The following MYO18B variants were observed in gnomAD, a reference collection of about 807,000 sequenced individuals.
The protein encoded by MYO18B is myosin XVIIIB.
MYO18B carries 204 observed loss-of-function variants against 273.0 expected under a neutral mutation model. The ratio of observed to expected loss-of-function variants is 0.75; its 90% CI spans 0.67 to 0.84. The LOEUF is 0.84. Among genes scored for constraint, MYO18B ranks in the 40% least tolerant of loss-of-function variants. The pLI is 0.00. For missense variants in MYO18B, 3,212 were observed against 3,287.6 expected (o/e 0.98, Z 0.56); for synonymous variants, 1,330 against 1,305.7 (o/e 1.02, Z -0.40).
chr22:25,816,247 T>G (rs1465086996), intron 12 of MYO18B, among the ~76,000 whole-genome samples: 1 of 152,186 alleles, frequency 6.6e-6, no homozygotes, highest in South Asian at 2.1e-4. Flanking sequence ...CATTTGTCAT[T>G]TTTAAGGGAG....
At chr22:25,873,754 C>G (rs1028498226) in intron 22 of MYO18B, among the ~76,000 whole-genome samples, 6 of 152,204 alleles carry the variant, frequency 3.9e-5, no homozygotes, top group African/African-American at 1.4e-4. Flanking sequence ...TGAGTTGTTT[C>G]TAAGCCACTG....
rs1569224861 is a variant in MYO18B at position 25,948,432 on chromosome 22, TTCCTTCCTTCCTTCCTTCCTTCCTTCC to T, written c.5748+606_5748+632del. On this transcript the variant is annotated intron_variant, in intron 36 of 43. Coordinates refer to ENST00000335473, the MANE Select transcript of MYO18B (RefSeq NM_032608.7). ...TTTCCTTCCTTCCTTCCTTCCTTCC[TTCCTTCCTTCCTTCCTTCCTTCCTTCC>T]TTCTTTCTTTCTTTCTTTCTTTCTT... Among the ~76,000 whole-genome samples, 115 of 129,370 alleles carry T rather than the reference TTCCTTCCTTCCTTCCTTCCTTCCTTCC, an allele frequency of 8.9e-4. 1 individual carries two copies. The highest frequency in any genetic ancestry group is 3.9e-3 in the African/African-American group (113 of 28,814). 84.9% of individuals were successfully genotyped at this position (129,370 alleles called of 152,430 possible).
intron 3 of MYO18B, among the ~76,000 whole-genome samples, chr22:25,767,600 C>G (rs1444301765): frequency 1.3e-5 from 2 of 152,186 alleles, no homozygotes; most frequent in Non-Finnish European, 2.9e-5. Flanking sequence ...AAGGTGAGAA[C>G]AGGTCCTCTA....
intron 39 of MYO18B, among the ~76,000 whole-genome samples, chr22:25,963,178 T>TCTCTCTCTCA (rs774304270): frequency 2.1e-4 from 30 of 144,156 alleles, no homozygotes; most frequent in African/African-American, 5.5e-4. Flanking sequence ...TCTCTCTCTC[T>TCTCTCTCTCA]CACACACACA....
At chr22:25,876,092 T>A in intron 23 of MYO18B, 97 bp from the exon 24 acceptor site, 2 of 1,214,474 alleles carry the variant, frequency 1.6e-6, no homozygotes, top group East Asian at 2.9e-5. Flanking sequence ...ATAACCCCAC[T>A]TCCTCCAGCC....
intron 41 of MYO18B, among the ~76,000 whole-genome samples, chr22:26,004,046 G>A (rs989448503): frequency 1.3e-5 from 2 of 151,162 alleles, no homozygotes; most frequent in African/African-American, 2.4e-5. Flanking sequence ...GACAAGAACT[G>A]GTGCTTGGCA....
At chr22:25,748,335 C>T (rs891800578) in intron 1 of MYO18B, among the ~76,000 whole-genome samples, 3 of 152,106 alleles carry the variant, frequency 2.0e-5, no homozygotes, top group Admixed American at 6.5e-5. Context: ...TGTAGGACCT[C>T]GAGAAAGTCA....
At chr22:25,977,591 G>A (rs1040420705) in intron 39 of MYO18B, among the ~76,000 whole-genome samples, 1 of 152,138 alleles carries the variant, frequency 6.6e-6, no homozygotes, top group Non-Finnish European at 1.5e-5. Flanking sequence ...CATTACAATA[G>A]TTTGGCTAGT....
chr22:26,023,093 G>A (rs1601855401), intron 42 of MYO18B, among the ~76,000 whole-genome samples: 1 of 152,300 alleles, frequency 6.6e-6, no homozygotes, highest in Non-Finnish European at 1.5e-5. Context: ...TCCTTCTTGC[G>A]TTTGCCTAAG....
chr22:25,984,445 A>G (rs9613061), intron 39 of MYO18B, among the ~76,000 whole-genome samples: 74,993 of 151,982 alleles, frequency 0.49, 19,663 homozygotes, highest in Non-Finnish European at 0.6. Context: ...TAATATAAAT[A>G]TCTTCTTTGA....
At chr22:25,832,805 T>C (rs2145937044) in intron 15 of MYO18B, 112 bp from the exon 16 acceptor site, 2 of 891,652 alleles carry the variant, frequency 2.2e-6, no homozygotes, top group African/African-American at 1.7e-5. Flanking sequence ...AAACGATTTT[T>C]TTAAAGGGCC....
At chr22:25,813,163 CTCT>C (rs962420078) in intron 12 of MYO18B, among the ~76,000 whole-genome samples, 2 of 146,692 alleles carry the variant, frequency 1.4e-5, no homozygotes, top group African/African-American at 2.5e-5. Context: ...CCTTCTCCTC[CTCT>C]TCTTCCTCTT....
intron 28 of MYO18B, chr22:25,896,839 C>A (rs186198782): frequency 6.6e-6 from 1 of 152,216 alleles, no homozygotes; most frequent in African/African-American, 2.4e-5. Context: ...TTCAAACTAC[C>A]ATTGTGATGT....
At chr22:25,746,243 T>G (rs963978091) in intron 1 of MYO18B, among the ~76,000 whole-genome samples, 2 of 152,040 alleles carry the variant, frequency 1.3e-5, no homozygotes, top group African/African-American at 4.8e-5. Flanking sequence ...ATCAGAGAGG[T>G]TTAGTGACTT....
chr22:25,769,375 G>T lies in MYO18B; in HGVS notation c.1459G>T (p.Gly487Trp). Residue 487 changes from glycine to tryptophan, a missense_variant, in exon 4 of 44, where the codon GGG becomes TGG. Coordinates refer to ENST00000335473, the MANE Select transcript of MYO18B (RefSeq NM_032608.7). Reference sequence around the variant, plus strand: ...TCGGATACGGAAGGAGAACCAAGACGGGCCAGCCCCGCAGGAGGAGGGCAA... The same window carrying T: ...TCGGATACGGAAGGAGAACCAAGACTGGCCAGCCCCGCAGGAGGAGGGCAA... ...RPRIRKENQDGPAPQEEGKGG... is the reference protein window; with the variant it reads ...RPRIRKENQDWPAPQEEGKGG... 6.4e-7 allele frequency: 1 copy of T among 1,573,940 alleles called. No individual in the cohort carries two copies. The highest frequency in any genetic ancestry group is 8.6e-7 in the Non-Finnish European group (1 of 1,160,352).
intron 15 of MYO18B, among the ~76,000 whole-genome samples, chr22:25,829,490 C>T (rs778016144): frequency 1.6e-4 from 23 of 146,986 alleles, no homozygotes; most frequent in Non-Finnish European, 2.8e-4. Context: ...GAAGCATGTA[C>T]AGGCATGATC....
intron 34 of MYO18B, among the ~76,000 whole-genome samples, chr22:25,941,286 G>A (rs1048107649): frequency 9.9e-5 from 15 of 152,182 alleles, no homozygotes; most frequent in African/African-American, 3.4e-4. Context: ...CCATGGGGAC[G>A]TGATGATTAC....
At chr22:25,970,202 C>T (rs1390042721) in intron 39 of MYO18B, among the ~76,000 whole-genome samples, 2 of 152,038 alleles carry the variant, frequency 1.3e-5, no homozygotes, top group Admixed American at 1.3e-4. Context: ...ATTATTATCA[C>T]TCTCATCACT....
chr22:25,906,427 C>G (rs980494763), intron 31 of MYO18B, among the ~76,000 whole-genome samples: 1 of 152,144 alleles, frequency 6.6e-6, no homozygotes, highest in African/African-American at 2.4e-5. Flanking sequence ...GTAACAGGGC[C>G]TCTGACGTAC....
Sources: gnomAD v4.1 joint callset for allele counts (sites outside exome capture counted in the v4.1 genomes callset) on GRCh38, gnomAD v4.1.1 for gene constraint, MANE v1.5 for transcripts, NCBI Gene and HGNC (gene_info 2026-07-23, HGNC 2026-07-21) for gene names.